The following C16orf86 variants were observed in gnomAD, a reference collection of about 807,000 sequenced individuals.
The protein encoded by C16orf86 is chromosome 16 open reading frame 86.
In C16orf86, 19 loss-of-function variants were observed where a neutral mutation model predicts 21.5. That is an observed-to-expected ratio of 0.88 (90% CI 0.62 to 1.30). C16orf86 has a LOEUF of 1.30. C16orf86 is among the 50% of genes most tolerant of loss of function. C16orf86 has a pLI of 0.00. For synonymous variants in C16orf86, 188 were observed against 183.5 expected, an observed-to-expected ratio of 1.02 and a Z score of -0.20; for missense variants, 391 against 415.8, an observed-to-expected ratio of 0.94 and a Z score of 0.52.
At chr16:67,668,121 T>C (rs2053129657) in intron 3 of C16orf86, 23 bp downstream of exon 3, 1 of 1,604,862 alleles carries the variant, frequency 6.2e-7, no homozygotes, top group African/African-American at 1.3e-5. Context: ...CCCTGGACTG[T>C]TCCTTCTCCC....
Position 67,668,444 on chromosome 16 carries a change from C to T in C16orf86, c.798C>T (p.Leu266=), listed in dbSNP as rs923179233. The change falls in exon 4 of 4, where the codon CTC becomes CTT. Residue 266 remains leucine (L), a synonymous_variant. Coordinates refer to ENST00000403458, the MANE Select transcript of C16orf86 (RefSeq NM_001012984.3). ...LVTPTHALAP[L]GEEAGEEPGG... ...CCCCCACCCATGCCCTGGCTCCCCT[C>T]GGAGAGGAGGCTGGAGAGGAGCCTG... The T allele has an allele frequency of 2.5e-6, 4 of 1,611,986 alleles. No homozygotes were observed. Among genetic ancestry groups the T allele is most frequent in the Admixed American group, 1.7e-5 (1 of 59,912 alleles).
At position 67,667,476 on chromosome 16, in the gene C16orf86, G is replaced by A. The variant is rs370416229; in HGVS notation, c.283G>A (p.Val95Met). 2.5e-6 allele frequency: 4 copies of A among 1,609,734 alleles called. No individual in the cohort carries two copies. The highest frequency in any genetic ancestry group is 2.7e-5 in the African/African-American group (2 of 74,836). The stretch of plus-strand genomic sequence containing the variant: ...GCTAGAGGAGAGAGGCCCCAGGCCC[G>A]TGGTCTCCATTGTGAGGCCCCGTCA... ...GALEERGPRP[V>M]VSIVRPRHGP... The change falls in exon 2 of 4, where the codon GTG becomes ATG. Residue 95 changes from valine to methionine, a missense_variant. Physicochemically the swap from Val to Met is conservative, Grantham distance 21 (BLOSUM62 1). Transcript: ENST00000403458.
rs975963583 is a variant in C16orf86, at chr16:67,668,157, C to G, written c.554-43C>G. The stretch of plus-strand genomic sequence containing the variant: ...CCTGCCTGTGGGGCCCGACATGGCA[C>G]AACCTGGCGCTCTAGCCTCTGCCCT... On this transcript the variant is annotated intron_variant, in intron 3 of 3. Transcript: ENST00000403458. 8.2e-6 allele frequency: 13 copies of G among 1,589,044 alleles called. No homozygotes were observed. In the South Asian group the frequency reaches 1.5e-4, roughly 18 times the overall value.
chr16:67,667,788 C>T, intron 2 of C16orf86, 90 bp from the exon 3 acceptor site: 1 of 1,520,176 alleles, frequency 6.6e-7, no homozygotes, highest in Non-Finnish European at 8.8e-7. Context: ...GCGTCGAGCC[C>T]TGGGGCTGTG....
Position 67,668,397 on chromosome 16 carries a change from C to G in C16orf86, c.751C>G (p.Pro251Ala). Residue 251 changes from proline (P) to alanine (A), a missense_variant, in exon 4 of 4, where the codon CCC becomes GCC. Physicochemically the swap from Pro to Ala is conservative, Grantham distance 27. Transcript: ENST00000403458. ...AGELGPGLAL[P>A]CPSPLVTPTH... ...TGAGCTGGGCCCAGGCCTCGCTTTG[C>G]CCTGTCCCAGTCCACTAGTGACCCC... The G allele has an allele frequency of 6.2e-7, 1 of 1,612,400 alleles. No individual in the cohort carries two copies. The highest frequency in any genetic ancestry group is 8.5e-7 in the Non-Finnish European group (1 of 1,179,696).
In C16orf86 at chr16:67,668,415, G is replaced by C; in HGVS notation, c.769G>C (p.Val257Leu). 1.9e-6 allele frequency: 3 copies of C among 1,612,516 alleles called. No homozygotes were observed. The highest frequency in any genetic ancestry group is 2.5e-6 in the Non-Finnish European group (3 of 1,179,700). The stretch of plus-strand genomic sequence containing the variant: ...CGCTTTGCCCTGTCCCAGTCCACTA[G>C]TGACCCCCACCCATGCCCTGGCTCC... ...GLALPCPSPL[V>L]TPTHALAPLG... Residue 257 changes from valine (V) to leucine (L), a missense_variant, in exon 4 of 4, where the codon GTG becomes CTG. Transcript: ENST00000403458.
At chr16:67,667,270 A>G in intron 1 of C16orf86, 26 bp from the exon 2 acceptor site, 1 of 1,602,398 alleles carries the variant, frequency 6.2e-7, no homozygotes, top group Middle Eastern at 1.7e-4. Flanking sequence ...GGCCATGGTG[A>G]CCGATGGCCT....
At chr16:67,667,261 G>A in intron 1 of C16orf86, 35 bp from the exon 2 acceptor site, 3 of 1,598,842 alleles carry the variant, frequency 1.9e-6, no homozygotes, top group Non-Finnish European at 2.6e-6. Flanking sequence ...CCTTTGCCCG[G>A]CCATGGTGAC....
chr16:67,668,318 G>A lies in C16orf86; in HGVS notation c.672G>A (p.Pro224=), dbSNP rs781489982. The A allele has an allele frequency of 4.3e-6, 7 of 1,612,672 alleles. No individual in the cohort carries two copies. Among genetic ancestry groups the A allele is most frequent in the South Asian group, 2.2e-5 (2 of 91,068 alleles). The change falls in exon 4 of 4, where the codon CCG becomes CCA. Residue 224 remains proline, a synonymous_variant. Transcript: ENST00000403458. ...TGGAGGCAGAGGCAGAGCTGGCCCCGGTTCCCGAGGAGGGAGGTGTGGAGC... is the reference window on the plus strand; with the variant it reads ...TGGAGGCAGAGGCAGAGCTGGCCCCAGTTCCCGAGGAGGGAGGTGTGGAGC... ...AEVEAEAELA[P]VPEEGGVEQL...
Position 67,668,282 on chromosome 16 carries a change from G to A in C16orf86, c.636G>A (p.Gly212=), listed in dbSNP as rs1267235821. ...PELNQAGKGD[G]EAEVEAEAEL... ...TGAACCAGGCAGGGAAGGGGGACGG[G>A]GAGGCTGAGGTGGAGGCAGAGGCAG... Residue 212 remains glycine, a synonymous_variant, in exon 4 of 4, where the codon GGG becomes GGA. Transcript: ENST00000403458. The A allele has an allele frequency of 6.2e-7, 1 of 1,611,134 alleles. No individual in the cohort carries two copies. The highest frequency in any genetic ancestry group is 8.5e-7 in the Non-Finnish European group (1 of 1,179,102).
chr16:67,668,021 G>C lies in C16orf86; in HGVS notation c.476G>C (p.Arg159Pro), dbSNP rs1267312390. 1.2e-6 allele frequency: 2 copies of C among 1,613,520 alleles called. No homozygotes were observed. Among genetic ancestry groups the C allele is most frequent in the African/African-American group, 1.3e-5 (1 of 75,072 alleles). Residue 159 changes from arginine to proline, a missense_variant, in exon 3 of 4, where the codon CGC (arginine) becomes CCC (proline). Arg to Pro is a moderately radical substitution (Grantham distance 103). Coordinates refer to ENST00000403458, the MANE Select transcript of C16orf86 (RefSeq NM_001012984.3). ...AAACAGCACAAAAAAGCCAAGAAGC[G>C]CAAGAGCCTGGGGGCTCCCGTGCTC... ...SAKQHKKAKK[R>P]KSLGAPVLHA...
chr16:67,668,146 C>CCGACATGGCA (rs780722986), intron 3 of C16orf86, 48 bp downstream of exon 3: 5 of 1,594,492 alleles, frequency 3.1e-6, no homozygotes, highest in Non-Finnish European at 4.3e-6. Flanking sequence ...CCTGTGGGGC[C>CCGACATGGCA]CGACATGGCA....
intron 2 of C16orf86, 92 bp from the exon 3 acceptor site, chr16:67,667,786 C>A: frequency 6.6e-7 from 1 of 1,519,574 alleles, no homozygotes; most frequent in Non-Finnish European, 8.8e-7. Flanking sequence ...AGGCGTCGAG[C>A]CCTGGGGCTG....
intron 2 of C16orf86, 44 bp downstream of exon 2, chr16:67,667,569 G>A (rs773002355): frequency 1.5e-5 from 24 of 1,562,684 alleles, no homozygotes; most frequent in Non-Finnish European, 2.1e-5. Flanking sequence ...CCCGGGGTTG[G>A]GGCACACACC....
At position 67,668,090 on chromosome 16, in the gene C16orf86, G is replaced by T. The variant is rs1215629917; in HGVS notation, c.545G>T (p.Arg182Met). 2.5e-6 allele frequency: 4 copies of T among 1,612,684 alleles called. No individual in the cohort carries two copies. The highest frequency in any genetic ancestry group is 3.4e-6 in the Non-Finnish European group (4 of 1,179,606). Residue 182 changes from arginine to methionine, a missense_variant, in exon 3 of 4, where the codon AGG (arginine) becomes ATG (methionine). Transcript: ENST00000403458. The stretch of plus-strand genomic sequence containing the variant: ...GTGTCTGCACCCTTAGAGACATTGA[G>T]GCTGGAGCGTGAGTGGCAGTCCCTG... Reference protein sequence around the residue: ...SMVSAPLETLRLERKAQRLRP... With the variant: ...SMVSAPLETLMLERKAQRLRP...
intron 2 of C16orf86, 81 bp downstream of exon 2, chr16:67,667,606 C>T (rs766046504): frequency 6.5e-7 from 1 of 1,548,630 alleles, no homozygotes; most frequent in Non-Finnish European, 8.7e-7. Context: ...ATCCTGCACT[C>T]CTGCAGGGAG....
chr16:67,667,038 T>C lies in C16orf86; in HGVS notation c.68T>C (p.Leu23Pro). 1.4e-6 allele frequency: 2 copies of C among 1,455,324 alleles called. No individual in the cohort carries two copies. Among genetic ancestry groups the C allele is most frequent in the Non-Finnish European group, 9.0e-7 (1 of 1,109,848 alleles). The allele number at this position is 1,455,324 out of a possible 1,614,324, so 90.2% of individuals were successfully genotyped here. Residue 23 changes from leucine to proline, a missense_variant, in exon 1 of 4, where the codon CTC becomes CCC. Physicochemically the swap from Leu to Pro is moderately conservative, Grantham distance 98. Transcript: ENST00000403458. ...QEATVVGQGQ[L>P]TEEPGSAQTS... is the part of the protein sequence containing the mutation. ...GCGACGGTCGTGGGGCAGGGACAGC[T>C]CACGGAGGAGCCCGGCAGCGCTCAG...
rs956295549 is a variant in C16orf86, at chr16:67,668,536, T to G, written c.890T>G (p.Ile297Ser). ...GTGGATAAGTCAACCCAGGTGGACA[T>G]CGACAAGATGCTGAGTGTCTGCACT... ...AEVDKSTQVDIDKMLSVCTAP... is the reference protein window; with the variant it reads ...AEVDKSTQVDSDKMLSVCTAP... Residue 297 changes from isoleucine (I) to serine (S), a missense_variant, in exon 4 of 4, where the codon ATC becomes AGC. Transcript: ENST00000403458. 6.2e-7 allele frequency: 1 copy of G among 1,613,382 alleles called. No individual in the cohort carries two copies. The highest frequency in any genetic ancestry group is 1.3e-5 in the African/African-American group (1 of 74,922).
At position 67,668,545 on chromosome 16, in the gene C16orf86, T is replaced by A; in HGVS notation, c.899T>A (p.Met300Lys). The change falls in exon 4 of 4, where the codon ATG (methionine) becomes AAG (lysine). Residue 300 changes from methionine to lysine, a missense_variant. Physicochemically the swap from Met to Lys is moderately conservative, Grantham distance 95. Coordinates refer to ENST00000403458, the MANE Select transcript of C16orf86 (RefSeq NM_001012984.3). ...DKSTQVDIDK[M>K]LSVCTAPLVP... ...TCAACCCAGGTGGACATCGACAAGA[T>A]GCTGAGTGTCTGCACTGCTCCACTT... The A allele has an allele frequency of 6.2e-7, 1 of 1,613,480 alleles. No individual in the cohort carries two copies. The highest frequency in any genetic ancestry group is 8.5e-7 in the Non-Finnish European group (1 of 1,179,872).
Sources: allele counts gnomAD v4.1 joint callset, GRCh38; gene constraint gnomAD v4.1.1; transcripts MANE v1.5; gene names NCBI Gene and HGNC (gene_info 2026-07-23, HGNC 2026-07-21).